Variants in ZC3H7B observed in about 807,000 individuals in gnomAD.
The protein encoded by ZC3H7B is zinc finger CCCH domain-containing protein 7B.
In ZC3H7B, 35 loss-of-function variants were observed where a neutral mutation model predicts 116.0. The ratio of observed to expected loss-of-function variants is 0.30; its 90% CI spans 0.23 to 0.40. The LOEUF is 0.40. Ranked by LOEUF, ZC3H7B falls within the 10% of genes least tolerant of loss-of-function variation. The pLI, the probability that ZC3H7B is intolerant of heterozygous loss-of-function variation, is 1.00. For synonymous variants in ZC3H7B, 502 were observed against 545.6 expected, an observed-to-expected ratio of 0.92 and a Z score of 1.11; for missense variants, 1,011 against 1,321.5, an observed-to-expected ratio of 0.77 and a Z score of 3.64.
Position 41,357,413 on chromosome 22 carries a change from C to A in ZC3H7B, c.2918C>A (p.Ala973Asp). Reference sequence around the variant, plus strand: ...GAAGCCCCTGCTGCTGCTGCCACCGCCACCACTGGGGAGTAGGGCCAGGTG... The same window carrying A: ...GAAGCCCCTGCTGCTGCTGCCACCGACACCACTGGGGAGTAGGGCCAGGTG... The part of the protein sequence containing the change: ...TPEAPAAAAT[A>D]TTGE The change falls in exon 23 of 23, where the codon GCC becomes GAC. Residue 973 changes from alanine (A) to aspartate (D), a missense_variant. Physicochemically the swap from Ala to Asp is moderately radical, Grantham distance 126 (BLOSUM62 -2). This residue lies in a region of ZC3H7B where 406 missense variants were observed against 590.2 expected (regional missense o/e 0.69). Coordinates refer to ENST00000352645, the MANE Select transcript of ZC3H7B (RefSeq NM_017590.6). This position sits in a 1 kb window ranked among gnomAD's most constrained non-coding sequence, Gnocchi z 5.4. 6.2e-7 allele frequency: 1 copy of A among 1,613,064 alleles called. No homozygotes were observed. The highest frequency in any genetic ancestry group is 8.5e-7 in the Non-Finnish European group (1 of 1,179,866).
At chr22:41,339,625 CA>C (rs34780757) in intron 9 of ZC3H7B, among the ~76,000 whole-genome samples, 190 bp from the exon 10 acceptor site, 211 of 125,848 alleles carry the variant, frequency 1.7e-3, no homozygotes, top group Admixed American at 2.0e-3. Flanking sequence ...GACTCCGTCT[CA>C]AAAAAAAAAA....
chr22:41,331,053 T>C (rs2036375675), intron 6 of ZC3H7B, among the ~76,000 whole-genome samples: 3 of 144,728 alleles, frequency 2.1e-5, no homozygotes, highest in Non-Finnish European at 4.6e-5. Flanking sequence ...ATATTTTTAG[T>C]AGAGATGGGG....
chr22:41,356,882 TC>T, intron 22 of ZC3H7B, 74 bp downstream of exon 22: 1 of 1,593,194 alleles, frequency 6.3e-7, no homozygotes, highest in Non-Finnish European at 8.5e-7. Context: ...CAGCTCTGGC[TC>T]CTCTTGGCCT....
At chr22:41,325,667 TGCCAGAGCTGGG>T (rs1263113062) in intron 3 of ZC3H7B, 42 bp from the exon 4 acceptor site, 23 of 1,607,118 alleles carry the variant, frequency 1.4e-5, no homozygotes, top group Non-Finnish European at 2.0e-5. Flanking sequence ...GTGGGCCGGG[TGCCAGAGCTGGG>T]GCCAGAGGTC....
intron 15 of ZC3H7B, among the ~76,000 whole-genome samples, chr22:41,348,693 T>C (rs1490612175): frequency 6.6e-6 from 1 of 152,234 alleles, no homozygotes; most frequent in Non-Finnish European, 1.5e-5. Flanking sequence ...GGGCCAGTCC[T>C]GTCTTACGTC....
At chr22:41,326,640 A>G (rs187872529) in intron 4 of ZC3H7B, among the ~76,000 whole-genome samples, 2 of 151,924 alleles carry the variant, frequency 1.3e-5, no homozygotes, top group Admixed American at 1.3e-4. Flanking sequence ...TCCTCCTTAG[A>G]GCTGCAGCCT....
chr22:41,353,661 C>T (rs1219238434), intron 17 of ZC3H7B, among the ~76,000 whole-genome samples: 1 of 152,236 alleles, frequency 6.6e-6, no homozygotes, highest in Non-Finnish European at 1.5e-5. Flanking sequence ...GGCCCCTGGA[C>T]CCTTCAAGAG....
intron 1 of ZC3H7B, among the ~76,000 whole-genome samples, chr22:41,313,059 T>C (rs1039775182): frequency 6.6e-6 from 1 of 151,916 alleles, no homozygotes; most frequent in Non-Finnish European, 1.5e-5. Context: ...AAAATGGGGG[T>C]TTGTTTTCTC....
Position 41,312,771 on chromosome 22 carries a change from C to A in ZC3H7B, c.-6-7884C>A, listed in dbSNP as rs9611554. Among the ~76,000 whole-genome samples the A allele has an allele frequency of 3.1e-3, 471 of 151,826 alleles. 2 individuals are homozygous for A. Among genetic ancestry groups the A allele is most frequent in the Non-Finnish European group, 5.4e-3 (366 of 67,930 alleles). On this transcript the variant is annotated intron_variant, in intron 1 of 22. Coordinates refer to ENST00000352645, the MANE Select transcript of ZC3H7B (RefSeq NM_017590.6). ...AAAAATACAAAAAAAATTAGCCAAGCGTGATGGTGCGTGCCTGTGGTCCCA... is the reference window on the plus strand; with the variant it reads ...AAAAATACAAAAAAAATTAGCCAAGAGTGATGGTGCGTGCCTGTGGTCCCA...
At position 41,357,083 on chromosome 22, in the gene ZC3H7B, T is replaced by C; in HGVS notation, c.2682-94T>C. The C allele has an allele frequency of 1.9e-6, 3 of 1,543,812 alleles. No homozygotes were observed. The highest frequency in any genetic ancestry group is 2.6e-6 in the Non-Finnish European group (3 of 1,149,804). On this transcript the variant is annotated intron_variant, in intron 22 of 22. Coordinates refer to ENST00000352645, the MANE Select transcript of ZC3H7B (RefSeq NM_017590.6). This position sits in a 1 kb window ranked among gnomAD's most constrained non-coding sequence, Gnocchi z 5.4. ...GGGACCCAGCTGCCCAGGGAGAGGC[T>C]TGTCTTCGGGGAGGTCAAGCGGCCG...
At chr22:41,304,710 G>T in intron 1 of ZC3H7B, among the ~76,000 whole-genome samples, 1 of 152,184 alleles carries the variant, frequency 6.6e-6, no homozygotes, top group Non-Finnish European at 1.5e-5. Context: ...TTCTGGGTTA[G>T]CCACAATTGC....
At chr22:41,348,266 A>C in intron 15 of ZC3H7B, 99 bp downstream of exon 15, 1 of 1,070,864 alleles carries the variant, frequency 9.3e-7, no homozygotes, top group South Asian at 1.3e-5. Flanking sequence ...GAAAGGGTGG[A>C]TGTAGGGTGC....
At chr22:41,326,764 T>G (rs960681849) in intron 4 of ZC3H7B, among the ~76,000 whole-genome samples, 2 of 152,232 alleles carry the variant, frequency 1.3e-5, no homozygotes, top group Non-Finnish European at 2.9e-5. Context: ...CAGCGAACTC[T>G]TCTGGATAAA....
chr22:41,315,968 ACATT>A (rs2036177911), intron 1 of ZC3H7B, among the ~76,000 whole-genome samples: 1 of 151,968 alleles, frequency 6.6e-6, no homozygotes, highest in Non-Finnish European at 1.5e-5. Flanking sequence ...CATACAAAAT[ACATT>A]CATTCTATCC....
chr22:41,323,257 A>G (rs987564461), intron 2 of ZC3H7B, among the ~76,000 whole-genome samples: 1 of 152,226 alleles, frequency 6.6e-6, no homozygotes, highest in Non-Finnish European at 1.5e-5. Context: ...TTGCTAGCTC[A>G]TCTCTCTTCA....
chr22:41,315,267 C>T (rs2079087800), intron 1 of ZC3H7B, among the ~76,000 whole-genome samples: 1 of 151,862 alleles, frequency 6.6e-6, no homozygotes. Flanking sequence ...TCCTTGACCT[C>T]CTGGGCACAA....
intron 1 of ZC3H7B, among the ~76,000 whole-genome samples, chr22:41,307,374 TC>T (rs1212205010): frequency 2.6e-5 from 4 of 152,092 alleles, no homozygotes; most frequent in Non-Finnish European, 5.9e-5. Context: ...CCAAATTCAT[TC>T]CCCCCAGGGA....
chr22:41,355,237 A>AGTTGGGC (rs1231370965), intron 17 of ZC3H7B, among the ~76,000 whole-genome samples: 3 of 152,148 alleles, frequency 2.0e-5, no homozygotes, highest in African/African-American at 7.2e-5. Context: ...CCTCCCAGGG[A>AGTTGGGC]GTTGGGCGAG....
chr22:41,347,729 C>T (rs2036605141), intron 14 of ZC3H7B, among the ~76,000 whole-genome samples: 1 of 152,218 alleles, frequency 6.6e-6, no homozygotes, highest in African/African-American at 2.4e-5. Flanking sequence ...GCCTGGGAAT[C>T]ATAGTTCATA....
Sources: gnomAD v4.1 joint callset for allele counts (sites outside exome capture counted in the v4.1 genomes callset) on GRCh38, gnomAD v4.1.1 for gene constraint, gnomAD v4.1.1 regional missense constraint, Gnocchi (gnomAD v3.1) non-coding constraint, MANE v1.5 for transcripts, NCBI Gene and HGNC (gene_info 2026-07-23, HGNC 2026-07-21) for gene names.